Variants in DLG2 observed in about 807,000 individuals in gnomAD.
DLG2 encodes the protein discs large MAGUK scaffold protein 2, also known as disks large homolog 2.
A neutral mutation model predicts 132.5 loss-of-function variants in DLG2; 45 were observed. The observed-to-expected ratio is 0.34, with a 90% CI of 0.27 to 0.44. The LOEUF is 0.44. Among genes scored for constraint, DLG2 ranks in the 20% least tolerant of loss-of-function variants. The pLI, the probability that DLG2 is intolerant of heterozygous loss-of-function variation, is 1.00. For synonymous variants in DLG2, 424 were observed against 419.6 expected, an observed-to-expected ratio of 1.01 and a Z score of -0.13; for missense variants, 1,045 against 1,196.9, an observed-to-expected ratio of 0.87 and a Z score of 1.87.
chr11:85,271,511 AC>A (rs2077528128), intron 4 of DLG2, among the ~76,000 whole-genome samples: 5 of 152,166 alleles, frequency 3.3e-5, no homozygotes, highest in Admixed American at 3.3e-4. Flanking sequence ...TGGTAGATCC[AC>A]CCACAGCTTG....
At chr11:83,511,446 T>G (rs1392935043) in intron 21 of DLG2, among the ~76,000 whole-genome samples, 5 of 152,124 alleles carry the variant, frequency 3.3e-5, no homozygotes, top group Admixed American at 6.6e-5. Flanking sequence ...CTCACCCTAG[T>G]AGAAGATAAT....
intron 7 of DLG2, among the ~76,000 whole-genome samples, chr11:84,508,879 C>G (rs927704480): frequency 1.3e-5 from 2 of 152,284 alleles, no homozygotes; most frequent in South Asian, 2.1e-4. Flanking sequence ...GAAGTAGATG[C>G]TCAGTAAATG....
rs1279184479 is a variant in DLG2, at chr11:84,197,583, A to G, written c.574-34072T>C. On this transcript the variant is annotated intron_variant, in intron 8 of 27. Coordinates refer to ENST00000376104, the MANE Select transcript of DLG2 (RefSeq NM_001142699.3). ...CAAGACACAATTAAAATTTTTACAA[A>G]GGAAGGTGCCTAAGCAGAAGGTATT... Among the ~76,000 whole-genome samples, 3 of 152,338 alleles carry G rather than the reference A, an allele frequency of 2.0e-5. No homozygotes were observed. In the East Asian group the frequency reaches 5.8e-4, roughly 29 times the overall value.
At chr11:85,205,296 A>G (rs551788650) in intron 4 of DLG2, among the ~76,000 whole-genome samples, 1 of 152,038 alleles carries the variant, frequency 6.6e-6, no homozygotes, top group East Asian at 1.9e-4. Context: ...AAAGACAAAT[A>G]ACATATGTTC....
intron 7 of DLG2, among the ~76,000 whole-genome samples, chr11:84,372,221 C>G (rs1567445268): frequency 6.6e-6 from 1 of 152,160 alleles, no homozygotes; most frequent in African/African-American, 2.4e-5. Flanking sequence ...CAGAAAGCAT[C>G]TGAAGTGTGT....
At chr11:84,663,055 T>C (rs945319796) in intron 6 of DLG2, among the ~76,000 whole-genome samples, 1 of 152,000 alleles carries the variant, frequency 6.6e-6, no homozygotes, top group Non-Finnish European at 1.5e-5. Context: ...CTTTCCTCTG[T>C]TTATTACCGG....
intron 8 of DLG2, among the ~76,000 whole-genome samples, chr11:84,178,438 T>A (rs1159839337): frequency 6.6e-6 from 1 of 152,112 alleles, no homozygotes; most frequent in Non-Finnish European, 1.5e-5. Context: ...GTGAGTATCC[T>A]CAAGAGACTA....
At chr11:83,685,472 G>A (rs1345056985) in intron 18 of DLG2, among the ~76,000 whole-genome samples, 1 of 152,024 alleles carries the variant, frequency 6.6e-6, no homozygotes, top group Non-Finnish European at 1.5e-5. Context: ...TCCCTGAATC[G>A]ATCATTGTCT....
intron 7 of DLG2, among the ~76,000 whole-genome samples, chr11:84,253,349 C>G (rs1308115569): frequency 6.6e-6 from 1 of 152,086 alleles, no homozygotes; most frequent in African/African-American, 2.4e-5. Context: ...AATTTTCCTT[C>G]CGTGTAGAAT....
chr11:84,180,775 T>A (rs1377031678), intron 8 of DLG2, among the ~76,000 whole-genome samples: 1 of 151,870 alleles, frequency 6.6e-6, no homozygotes, highest in Non-Finnish European at 1.5e-5. Flanking sequence ...TGAAGTGAAA[T>A]ATTGAAAGTG....
At chr11:85,608,156 C>G (rs957968933) in intron 2 of DLG2, among the ~76,000 whole-genome samples, 2 of 152,004 alleles carry the variant, frequency 1.3e-5, no homozygotes, top group Middle Eastern at 3.2e-3. Context: ...GTCCAGGGAC[C>G]GTTGTGGGTT....
In DLG2 at chr11:84,183,375, G is replaced by A. The variant is rs535392558; in HGVS notation, c.574-19864C>T. Among the ~76,000 whole-genome samples the A allele has an allele frequency of 7.2e-5, 11 of 152,192 alleles. No individual in the cohort carries two copies. In the East Asian group the frequency reaches 9.7e-4, roughly 13 times the overall value. On this transcript the variant is annotated intron_variant, in intron 8 of 27. Coordinates refer to ENST00000376104, the MANE Select transcript of DLG2 (RefSeq NM_001142699.3). ...CACTCAGTTGTGGATGTCAATGCCC[G>A]TGTGAGCAAGGCCTGTGTGTGTGTT...
intron 3 of DLG2, among the ~76,000 whole-genome samples, chr11:85,579,645 T>A (rs2078384870): frequency 6.6e-6 from 1 of 152,170 alleles, no homozygotes; most frequent in Non-Finnish European, 1.5e-5. Context: ...ATGGGGTAGC[T>A]TCAGGAGAAA....
At position 83,796,214 on chromosome 11, in the gene DLG2, C is replaced by A. The variant is rs116110147; in HGVS notation, c.1723-9422G>T. ...TCCTAGGCAAATGATCATCTAACCT[C>A]CATGTGACACTGGATCAACACTAAT... is the stretch of plus-strand genomic sequence containing the variant. On this transcript the variant is annotated intron_variant, in intron 17 of 27. Transcript: ENST00000376104. Among the ~76,000 whole-genome samples the A allele has an allele frequency of 3.3e-3, 505 of 152,284 alleles. 6 individuals are homozygous for A. The highest frequency in any genetic ancestry group is 0.012 in the African/African-American group (494 of 41,556).
At position 85,424,507 on chromosome 11, in the gene DLG2, C is replaced by T. The variant is rs190166289; in HGVS notation, c.41-139142G>A. ...TAAGACAACCCTGAAACCCAGCCTA[C>T]TGATATCCAGTTAGCAGAGTCAATA... On this transcript the variant is annotated intron_variant, in intron 3 of 27. Transcript: ENST00000376104. 7.4e-4 allele frequency among the ~76,000 whole-genome samples: 113 copies of T among 152,316 alleles called. 2 individuals carry two copies. The highest frequency in any genetic ancestry group is 3.1e-3 in the Admixed American group (48 of 15,296).
chr11:83,484,097 G>A (rs979893550), intron 22 of DLG2, 32 bp downstream of exon 22: 2 of 1,568,012 alleles, frequency 1.3e-6, no homozygotes, highest in Non-Finnish European at 1.8e-6. Flanking sequence ...CTCTTATGTT[G>A]CATGTGACAT....
chr11:85,121,704 C>T (rs947749107), intron 5 of DLG2, among the ~76,000 whole-genome samples: 9 of 152,050 alleles, frequency 5.9e-5, no homozygotes, highest in Non-Finnish European at 8.8e-5. Context: ...AATGACACTT[C>T]CAAGTATCAT....
intron 3 of DLG2, among the ~76,000 whole-genome samples, chr11:85,412,486 G>A (rs760717651): frequency 2.0e-5 from 3 of 151,570 alleles, no homozygotes; most frequent in Non-Finnish European, 2.9e-5. Context: ...AGTATACACT[G>A]CACCATATTT....
chr11:85,187,872 G>T (rs1332484314), intron 4 of DLG2, among the ~76,000 whole-genome samples: 1 of 152,146 alleles, frequency 6.6e-6, no homozygotes, highest in African/African-American at 2.4e-5. Context: ...GTGACCTTAG[G>T]TTGTAGTGCT....
Sources: gnomAD v4.1 joint callset for allele counts (sites outside exome capture counted in the v4.1 genomes callset) on GRCh38, gnomAD v4.1.1 for gene constraint, MANE v1.5 for transcripts, NCBI Gene and HGNC (gene_info 2026-07-23, HGNC 2026-07-21) for gene names.